Variants in SEC24D observed in about 807,000 individuals in gnomAD.
SEC24D encodes the protein SEC24 homolog D, COPII component.
A neutral mutation model predicts 116.9 loss-of-function variants in SEC24D; 69 were observed. The ratio of observed to expected loss-of-function variants is 0.59; its 90% CI spans 0.49 to 0.72. The LOEUF (loss-of-function observed/expected upper bound fraction) is 0.72. SEC24D is among the 30% of genes least tolerant of loss of function. The probability of loss-of-function intolerance (pLI) is 0.00; values close to 1 mark genes in which losing one functional copy is unlikely to be tolerated. For synonymous variants in SEC24D, 405 were observed against 442.8 expected (o/e 0.91, Z 1.07); for missense variants, 1,131 against 1,264.1 (o/e 0.89, Z 1.60).
intron 2 of SEC24D, among the ~76,000 whole-genome samples, chr4:118,832,532 T>C (rs891306723): frequency 6.6e-6 from 1 of 152,126 alleles, no homozygotes. Context: ...GTGAATAATA[T>C]AGAGTGTTAT....
Position 118,815,471 on chromosome 4 carries a change from G to C in SEC24D, c.653C>G (p.Ala218Gly), listed in dbSNP as rs35392900. 21,905 of 1,614,084 alleles carry C rather than the reference G, an allele frequency of 0.014. 192 individuals are homozygous for C. Among genetic ancestry groups the C allele is most frequent in the Middle Eastern group, 0.039 (235 of 6,046 alleles). The change falls in exon 5 of 23, where the codon GCT (alanine) becomes GGT (glycine). Residue 218 changes from alanine to glycine, a missense_variant. By Grantham distance (60) the Ala-to-Gly change is moderately conservative. Coordinates refer to ENST00000280551, the MANE Select transcript of SEC24D (RefSeq NM_014822.4). Reference protein sequence around the residue: ...PPPLPGQTLGAGYPPQQANSG... With the variant: ...PPPLPGQTLGGGYPPQQANSG... ...CTTACCCTGCTGCGGAGGATATCCA[G>C]CACCCAAGGTCTGGCCTGGAAGAGG... is the stretch of plus-strand genomic sequence containing the variant.
At chr4:118,824,590 C>A in intron 3 of SEC24D, 30 bp downstream of exon 3, 1 of 1,589,300 alleles carries the variant, frequency 6.3e-7, no homozygotes, top group Non-Finnish European at 8.5e-7. Flanking sequence ...GGAGAATATA[C>A]AAACGAAGGT....
chr4:118,785,493 T>C (rs1728628941), intron 8 of SEC24D, among the ~76,000 whole-genome samples: 1 of 152,152 alleles, frequency 6.6e-6, no homozygotes. Flanking sequence ...AGAATGGGGC[T>C]TGGGAAGTAT....
chr4:118,786,799 T>C (rs933339617), intron 8 of SEC24D, among the ~76,000 whole-genome samples: 3 of 152,164 alleles, frequency 2.0e-5, no homozygotes, highest in Non-Finnish European at 4.4e-5. Flanking sequence ...AATCTAGTGA[T>C]TGAGGCAATC....
intron 2 of SEC24D, among the ~76,000 whole-genome samples, chr4:118,832,201 C>T (rs1216689369): frequency 6.6e-6 from 1 of 152,100 alleles, no homozygotes; most frequent in African/African-American, 2.4e-5. Flanking sequence ...CAAAACTGCA[C>T]CCCAACCTGG....
intron 8 of SEC24D, among the ~76,000 whole-genome samples, chr4:118,770,090 A>C (rs912139633): frequency 6.6e-6 from 1 of 152,178 alleles, no homozygotes; most frequent in Non-Finnish European, 1.5e-5. Flanking sequence ...ACAGAGAATA[A>C]ACTTTCAGGG....
intron 3 of SEC24D, among the ~76,000 whole-genome samples, 163 bp from the exon 4 acceptor site, chr4:118,817,575 A>G (rs1356049051): frequency 6.6e-6 from 1 of 152,222 alleles, no homozygotes; most frequent in Non-Finnish European, 1.5e-5. Flanking sequence ...CATGAACTCA[A>G]TATGATCATG....
At chr4:118,744,908 A>T in intron 14 of SEC24D, 36 bp downstream of exon 14, 1 of 1,147,246 alleles carries the variant, frequency 8.7e-7, no homozygotes, top group Non-Finnish European at 1.3e-6. Context: ...TCCTCTTAAT[A>T]ATTGACATAT....
At chr4:118,781,835 A>G (rs1243245492) in intron 8 of SEC24D, among the ~76,000 whole-genome samples, 2 of 152,024 alleles carry the variant, frequency 1.3e-5, no homozygotes, top group Admixed American at 1.3e-4. Flanking sequence ...CATTAATTTG[A>G]TCTTCGATCA....
chr4:118,824,566 C>T, intron 3 of SEC24D, 54 bp downstream of exon 3: 1 of 1,560,104 alleles, frequency 6.4e-7, no homozygotes, highest in Non-Finnish European at 8.7e-7. Flanking sequence ...GAAGGTATTT[C>T]TGAAATAATT....
intron 8 of SEC24D, among the ~76,000 whole-genome samples, chr4:118,772,119 T>G (rs1481088760): frequency 6.6e-6 from 1 of 152,200 alleles, no homozygotes; most frequent in Non-Finnish European, 1.5e-5. Context: ...TGTGTGTATT[T>G]TTGTTTTGGC....
chr4:118,772,498 G>A (rs1243045513), intron 8 of SEC24D, among the ~76,000 whole-genome samples: 1 of 152,212 alleles, frequency 6.6e-6, no homozygotes, highest in Non-Finnish European at 1.5e-5. Context: ...ACTACAGAAT[G>A]TGCCACATTT....
At chr4:118,776,434 T>A (rs1282551783) in intron 8 of SEC24D, among the ~76,000 whole-genome samples, 1 of 152,166 alleles carries the variant, frequency 6.6e-6, no homozygotes, top group Non-Finnish European at 1.5e-5. Flanking sequence ...TGAGAGGGTA[T>A]CTTTAGTTTC....
intron 2 of SEC24D, among the ~76,000 whole-genome samples, chr4:118,829,286 G>C (rs1293469694): frequency 1.3e-5 from 2 of 152,298 alleles, no homozygotes; most frequent in African/African-American, 4.8e-5. Context: ...GCCAAGGCAG[G>C]AGGATGGCTT....
At chr4:118,745,153 T>G in intron 13 of SEC24D, 93 bp from the exon 14 acceptor site, 3 of 730,062 alleles carry the variant, frequency 4.1e-6, no homozygotes, top group Non-Finnish European at 7.1e-6. Flanking sequence ...GTTCTTTCTA[T>G]GAGCTAAGCA....
chr4:118,791,236 T>C (rs1560704181), intron 8 of SEC24D, among the ~76,000 whole-genome samples: 1 of 152,180 alleles, frequency 6.6e-6, no homozygotes, highest in Non-Finnish European at 1.5e-5. Flanking sequence ...TTGAGGTTTC[T>C]ATGAAGCACC....
chr4:118,758,586 A>C (rs990584753), intron 10 of SEC24D: 3 of 152,150 alleles, frequency 2.0e-5, no homozygotes, highest in African/African-American at 7.2e-5. Flanking sequence ...CATCTTACAA[A>C]ATATTTAGAA....
chr4:118,752,943 G>C, intron 11 of SEC24D, 55 bp from the exon 12 acceptor site: 1 of 1,309,226 alleles, frequency 7.6e-7, no homozygotes, highest in Non-Finnish European at 1.0e-6. Flanking sequence ...ATGAAAAGGA[G>C]GTTTCTATCT....
chr4:118,750,135 G>A (rs1726750954), intron 13 of SEC24D, among the ~76,000 whole-genome samples: 1 of 152,190 alleles, frequency 6.6e-6, no homozygotes, highest in Admixed American at 6.5e-5. Context: ...CAGCTGAAAT[G>A]AGTTGGACTC....
Sources: gnomAD v4.1 joint callset for allele counts (sites outside exome capture counted in the v4.1 genomes callset) on GRCh38, gnomAD v4.1.1 for gene constraint, MANE v1.5 for transcripts, NCBI Gene and HGNC (gene_info 2026-07-23, HGNC 2026-07-21) for gene names.